The following NR3C1 variants were observed in gnomAD, a reference collection of about 807,000 sequenced individuals.
The protein encoded by NR3C1 is glucocorticoid receptor.
Under a neutral mutation model 74.0 loss-of-function variants are expected in NR3C1, and 14 were observed. The ratio of observed to expected loss-of-function variants is 0.19; its 90% confidence interval spans 0.12 to 0.30. The LOEUF is 0.30. Among genes scored for constraint, NR3C1 ranks in the 10% least tolerant of loss-of-function variants. NR3C1 has a pLI of 1.00. For missense variants in NR3C1, 695 were observed against 909.8 expected, an observed-to-expected ratio of 0.76 and a Z score of 3.04; for synonymous variants, 308 against 332.5, an observed-to-expected ratio of 0.93 and a Z score of 0.80.
At chr5:143,431,321 C>G (rs1418247747) in intron 1 of NR3C1, among the ~76,000 whole-genome samples, 1 of 152,124 alleles carries the variant, frequency 6.6e-6, no homozygotes, top group Non-Finnish European at 1.5e-5. Context: ...GTAGGGTGTT[C>G]CCAGATGGAG....
At chr5:143,399,517 TTTCAAAAGGCC>T in intron 2 of NR3C1, 128 bp downstream of exon 2, 1 of 724,604 alleles carries the variant, frequency 1.4e-6, no homozygotes, top group South Asian at 1.8e-5. Context: ...CCTTTCCTAC[TTTCAAAAGGCC>T]ACTTAAACTT....
intron 2 of NR3C1, chr5:143,332,484 C>G: frequency 1.8e-6 from 1 of 566,022 alleles, no homozygotes; most frequent in South Asian, 2.4e-5. Context: ...TTGATAGGTA[C>G]AGCAAACCAC....
chr5:143,382,429 A>C (rs559288565), intron 2 of NR3C1, among the ~76,000 whole-genome samples: 6 of 152,370 alleles, frequency 3.9e-5, no homozygotes, highest in African/African-American at 1.4e-4. Context: ...GTATGGCACA[A>C]CAGACAGAGT....
intron 2 of NR3C1, chr5:143,332,701 G>A (rs1202271595): frequency 3.9e-5 from 61 of 1,575,446 alleles, no homozygotes; most frequent in East Asian, 6.7e-5. Context: ...GACAAGGTGC[G>A]TCTCAGACGA....
At chr5:143,332,526 C>A (rs852984) in intron 2 of NR3C1, 89,444 of 646,900 alleles carry the variant, frequency 0.14, 6,995 homozygotes, top group Non-Finnish European at 0.16. Flanking sequence ...GTAACCTGCA[C>A]ATCCTGCACA....
chr5:143,403,665 G>C lies in NR3C1; in HGVS notation c.-468C>G. The C allele has an allele frequency of 1.5e-5, 15 of 985,398 alleles. No homozygotes were observed. Among genetic ancestry groups the C allele is most frequent in the Non-Finnish European group, 1.8e-5 (15 of 829,902 alleles). 61.0% of individuals were successfully genotyped at this position (985,398 alleles called of 1,614,324 possible). ...GGCCTGGGCGAGCGAGCGGGACCGA[G>C]CGGGGAGCGGGTGGAGGCGGCGCCA... is the stretch of plus-strand genomic sequence containing the variant. On this transcript the variant is annotated 5_prime_UTR_variant, in exon 1 of 9. Transcript: ENST00000394464.
chr5:143,379,050 A>G (rs1191863547), intron 2 of NR3C1, among the ~76,000 whole-genome samples: 1 of 152,186 alleles, frequency 6.6e-6, no homozygotes, highest in Non-Finnish European at 1.5e-5. Context: ...CTTAACTCTG[A>G]GCCTCAACCA....
chr5:143,389,042 T>A (rs1453398069), intron 2 of NR3C1, among the ~76,000 whole-genome samples: 1 of 152,198 alleles, frequency 6.6e-6, no homozygotes, highest in Admixed American at 6.5e-5. Context: ...TTATTCCAAA[T>A]AGTTGAATCA....
intron 2 of NR3C1, among the ~76,000 whole-genome samples, chr5:143,387,462 C>T (rs1477116578): frequency 6.6e-6 from 1 of 152,146 alleles, no homozygotes; most frequent in South Asian, 2.1e-4. Context: ...GTTAATGTGA[C>T]AACTACCCTC....
chr5:143,421,375 T>C (rs753596144), intron 1 of NR3C1, among the ~76,000 whole-genome samples: 1 of 152,224 alleles, frequency 6.6e-6, no homozygotes, highest in Non-Finnish European at 1.5e-5. Context: ...TTGAATCTGG[T>C]TCTGCTGCTT....
intron 3 of NR3C1, among the ~76,000 whole-genome samples, chr5:143,311,018 T>A (rs1820823407): frequency 6.6e-6 from 1 of 152,204 alleles, no homozygotes. Flanking sequence ...CAGGTTCAAT[T>A]CTTTGTAAAG....
At chr5:143,391,391 CTCAAGAGCTTTT>C (rs940794411) in intron 2 of NR3C1, among the ~76,000 whole-genome samples, 3 of 152,214 alleles carry the variant, frequency 2.0e-5, no homozygotes, top group Admixed American at 6.5e-5. Flanking sequence ...ATTCAATATA[CTCAAGAGCTTTT>C]TCAGACAGCT....
chr5:143,326,147 C>A (rs1824556547), intron 2 of NR3C1, among the ~76,000 whole-genome samples: 1 of 152,190 alleles, frequency 6.6e-6, no homozygotes, highest in Non-Finnish European at 1.5e-5. Context: ...TATAAGGCAA[C>A]ACCTGGATCT....
In NR3C1 at chr5:143,335,918, T is replaced by C. The variant is rs10076037; in HGVS notation, c.1185-21750A>G. Among the ~76,000 whole-genome samples the C allele has an allele frequency of 5.5e-3, 832 of 152,312 alleles. 4 individuals are homozygous for C. The highest frequency in any genetic ancestry group is 0.022 in the East Asian group (116 of 5,184). On this transcript the variant is annotated intron_variant, in intron 2 of 8. Transcript: ENST00000394464. ...GGGTTTATCACATGGATCCTTAAAC[T>C]GCCTCTCCTTACCTGCTCCAGGAAA...
chr5:143,415,177 C>T (rs1484905066), intron 1 of NR3C1, among the ~76,000 whole-genome samples: 2 of 152,148 alleles, frequency 1.3e-5, no homozygotes, highest in African/African-American at 4.8e-5. Context: ...CACACAATCC[C>T]ATTTTGCAGA....
At chr5:143,330,391 A>G (rs1025410793) in intron 2 of NR3C1, among the ~76,000 whole-genome samples, 1 of 152,242 alleles carries the variant, frequency 6.6e-6, no homozygotes, top group African/African-American at 2.4e-5. Context: ...AAATAATAGT[A>G]AATAATATTT....
intron 2 of NR3C1, among the ~76,000 whole-genome samples, chr5:143,389,088 A>G (rs1451822227): frequency 6.6e-6 from 1 of 152,080 alleles, no homozygotes; most frequent in Non-Finnish European, 1.5e-5. Flanking sequence ...ACTTTCCTCC[A>G]TGAAGTTTCA....
chr5:143,378,031 A>G (rs1835523262), intron 2 of NR3C1, among the ~76,000 whole-genome samples: 1 of 152,038 alleles, frequency 6.6e-6, no homozygotes. Flanking sequence ...CAGAGCATCA[A>G]CTGAGGCCAG....
intron 1 of NR3C1, among the ~76,000 whole-genome samples, chr5:143,412,882 G>A (rs530306701): frequency 3.9e-5 from 6 of 152,300 alleles, no homozygotes; most frequent in East Asian, 3.9e-4. Context: ...GTTTGGATAT[G>A]TTGTTTACTT....
Sources: allele counts gnomAD v4.1 joint callset (sites outside exome capture counted in the v4.1 genomes callset), GRCh38; gene constraint gnomAD v4.1.1; transcripts MANE v1.5; gene names NCBI Gene and HGNC (gene_info 2026-07-23, HGNC 2026-07-21).